RUNX1: variants seen among roughly 807,000 people sequenced by gnomAD.
RUNX1 encodes runt-related transcription factor 1.
Under a neutral mutation model 42.8 loss-of-function variants are expected in RUNX1, and 19 were observed. The ratio of observed to expected loss-of-function variants is 0.44; its 90% CI spans 0.31 to 0.65. The LOEUF (loss-of-function observed/expected upper bound fraction) is 0.65. Among genes scored for constraint, RUNX1 ranks in the 30% least tolerant of loss-of-function variants. RUNX1 has a pLI of 0.07. For synonymous variants in RUNX1, 271 were observed against 289.4 expected (o/e 0.94, Z 0.64); for missense variants, 528 against 672.0 (o/e 0.79, Z 2.37).
chr21:34,880,940 A>AT (rs1322495012), intron 4 of RUNX1, among the ~76,000 whole-genome samples: 7 of 152,186 alleles, frequency 4.6e-5, no homozygotes, highest in African/African-American at 7.2e-5. Context: ...AGTGTTTGCA[A>AT]TTTTTAACTC....
At chr21:34,802,514 C>A (rs2056621737) in intron 7 of RUNX1, among the ~76,000 whole-genome samples, 1 of 152,190 alleles carries the variant, frequency 6.6e-6, no homozygotes, top group Admixed American at 6.5e-5. Context: ...ATTACTTTTT[C>A]ATTCACTCAT....
intron 2 of RUNX1, among the ~76,000 whole-genome samples, chr21:34,893,941 A>C (rs1250418015): frequency 6.6e-6 from 1 of 152,192 alleles, no homozygotes; most frequent in Non-Finnish European, 1.5e-5. Flanking sequence ...CTGCTCTATG[A>C]TGAAATATTA....
chr21:35,002,738 T>G (rs1011968253), intron 2 of RUNX1, among the ~76,000 whole-genome samples: 13 of 152,170 alleles, frequency 8.5e-5, no homozygotes, highest in African/African-American at 3.1e-4. Context: ...TACTTATTTA[T>G]TTTTATAATT....
intron 2 of RUNX1, among the ~76,000 whole-genome samples, chr21:34,929,415 G>A (rs9979181): frequency 0.088 from 13,417 of 152,128 alleles, 912 homozygotes; most frequent in African/African-American, 0.18. Context: ...TTTTAGGGGC[G>A]GTGGGTGAGG....
At position 34,878,453 on chromosome 21, in the gene RUNX1, C is replaced by A. The variant is rs144542901; in HGVS notation, c.508+2104G>T. Among the ~76,000 whole-genome samples the A allele has an allele frequency of 2.1e-3, 322 of 151,486 alleles. 1 individual carries two copies. The highest frequency in any genetic ancestry group is 7.3e-3 in the African/African-American group (301 of 41,240). Reference sequence around the variant, plus strand: ...AGTAATTACAATTGGGTCAAATGTTCCATTAGGGTTTCCGTATTTTTTATT... The same window carrying A: ...AGTAATTACAATTGGGTCAAATGTTACATTAGGGTTTCCGTATTTTTTATT... On this transcript the variant is annotated intron_variant, in intron 5 of 8. Transcript: ENST00000675419.
chr21:34,834,326 G>T, intron 7 of RUNX1, 84 bp downstream of exon 7: 2 of 1,396,116 alleles, frequency 1.4e-6, no homozygotes, highest in Non-Finnish European at 1.0e-6. Context: ...AGTTGGTCTG[G>T]GAAGGTGTGT....
intron 2 of RUNX1, among the ~76,000 whole-genome samples, chr21:34,930,119 TTTAAA>T (rs1204509931): frequency 6.9e-6 from 1 of 145,042 alleles, no homozygotes; most frequent in Admixed American, 7.1e-5. Flanking sequence ...TATATTTGAA[TTTAAA>T]TTAATGTCAT....
At chr21:34,982,397 G>GGTGTGTGTGTGTGTGTGT (rs56091299) in intron 2 of RUNX1, among the ~76,000 whole-genome samples, 113 of 148,322 alleles carry the variant, frequency 7.6e-4, no homozygotes, top group East Asian at 4.0e-3. Flanking sequence ...AGTCAAAAGG[G>GGTGTGTGTGTGTGTGTGT]GTGTGTGTGT....
At position 34,899,455 on chromosome 21, in the gene RUNX1, G is replaced by A. The variant is rs140574929; in HGVS notation, c.59-6492C>T. The stretch of plus-strand genomic sequence containing the variant: ...CTCCCTCCCTCCACCGAACCCAATC[G>A]TGCTGGTACCCTGATCTCAGACTTC... On this transcript the variant is annotated intron_variant, in intron 2 of 8. Coordinates refer to ENST00000675419, the MANE Select transcript of RUNX1 (RefSeq NM_001754.5). Among the ~76,000 whole-genome samples, 18 of 151,826 alleles carry A rather than the reference G, an allele frequency of 1.2e-4. No homozygotes were observed. In the East Asian group the frequency reaches 2.7e-3, roughly 23 times the overall value.
chr21:34,994,492 T>C (rs1246904118), intron 2 of RUNX1, among the ~76,000 whole-genome samples: 1 of 152,120 alleles, frequency 6.6e-6, no homozygotes, highest in Non-Finnish European at 1.5e-5. Context: ...GTATATTGCA[T>C]GCCTATATCA....
intron 2 of RUNX1, among the ~76,000 whole-genome samples, chr21:35,034,850 C>G (rs979772560): frequency 4.6e-5 from 7 of 152,146 alleles, no homozygotes; most frequent in Non-Finnish European, 7.3e-5. Flanking sequence ...TCATTTTACC[C>G]GAGAGATGTA....
intron 5 of RUNX1, among the ~76,000 whole-genome samples, chr21:34,873,744 A>T (rs1256889433): frequency 6.6e-6 from 1 of 152,228 alleles, no homozygotes; most frequent in Admixed American, 6.5e-5. Flanking sequence ...ATGTACTGGA[A>T]TCCCAAATCA....
In RUNX1 at chr21:34,792,666, A is replaced by T. The variant is rs1401107380; in HGVS notation, c.968-56T>A. 1 of 1,479,070 alleles carries T rather than the reference A, an allele frequency of 6.8e-7. No individual in the cohort carries two copies. 91.6% of individuals were successfully genotyped at this position (1,479,070 alleles called of 1,614,324 possible). A position where few individuals can be genotyped will look rare whatever the true frequency, so the allele number is the denominator to read the frequency against. ...GTGAGTAGGAGGTTGCGGAGGCCACAGCTCTTCCCTCTGCCCCAGGGGGCT... is the reference window on the plus strand; with the variant it reads ...GTGAGTAGGAGGTTGCGGAGGCCACTGCTCTTCCCTCTGCCCCAGGGGGCT... On this transcript the variant is annotated intron_variant, in intron 8 of 8. Transcript: ENST00000675419. This position sits in a 1 kb window ranked among gnomAD's most constrained non-coding sequence, Gnocchi z 6.9.
At chr21:34,883,254 T>A (rs1406607475) in intron 4 of RUNX1, among the ~76,000 whole-genome samples, 2 of 152,128 alleles carry the variant, frequency 1.3e-5, no homozygotes, top group Non-Finnish European at 2.9e-5. Context: ...TCTTTTTTTT[T>A]AAATGCAGCA....
At chr21:34,854,604 A>G (rs2057471214) in intron 6 of RUNX1, among the ~76,000 whole-genome samples, 1 of 151,966 alleles carries the variant, frequency 6.6e-6, no homozygotes, top group Non-Finnish European at 1.5e-5. Flanking sequence ...AGAAAAAAAA[A>G]AAGAAAAAAG....
chr21:34,888,238 G>A (rs999037833), intron 3 of RUNX1: 2 of 1,066,858 alleles, frequency 1.9e-6, no homozygotes, highest in African/African-American at 3.3e-5. Context: ...CACGAGCGCC[G>A]CGTAACCGCA....
At position 34,789,604 on chromosome 21, in the gene RUNX1, G is replaced by GCA. The variant is rs139307340; in HGVS notation, c.*2529_*2530dup. ...ATTTTTCACACACACACACACACAC[G>GCA]CACACACACACACATACAAAAATGT... On this transcript the variant is annotated 3_prime_UTR_variant, in exon 9 of 9. Transcript: ENST00000675419. 0.015 allele frequency: 3,456 copies of GCA among 224,816 alleles called. 94 individuals are homozygous for GCA. Among genetic ancestry groups the GCA allele is most frequent in the African/African-American group, 0.077 (3,204 of 41,462 alleles). The allele number at this position is 224,816 out of a possible 1,614,324, so 13.9% of individuals were successfully genotyped here.
intron 2 of RUNX1, among the ~76,000 whole-genome samples, chr21:34,943,055 A>G (rs965448549): frequency 6.6e-6 from 1 of 152,198 alleles, no homozygotes; most frequent in Non-Finnish European, 1.5e-5. Flanking sequence ...CACGCGGTCA[A>G]TCTCTGAGCA....
At chr21:35,047,134 A>G (rs1432711326) in intron 2 of RUNX1, among the ~76,000 whole-genome samples, 1 of 152,184 alleles carries the variant, frequency 6.6e-6, no homozygotes, top group Non-Finnish European at 1.5e-5. Context: ...ATGCTTAAAA[A>G]TTTCCTGAAT....
Sources: allele counts gnomAD v4.1 joint callset (sites outside exome capture counted in the v4.1 genomes callset), GRCh38; gene constraint gnomAD v4.1.1; non-coding constraint Gnocchi (gnomAD v3.1); transcripts MANE v1.5; gene names NCBI Gene and HGNC (gene_info 2026-07-23, HGNC 2026-07-21).